Variants in SRBD1 observed in about 807,000 individuals in gnomAD.
SRBD1 encodes S1 RNA-binding domain-containing protein 1.
A neutral mutation model predicts 115.3 loss-of-function variants in SRBD1; 88 were observed. The ratio of observed to expected loss-of-function variants is 0.76; its 90% CI spans 0.64 to 0.91. The LOEUF (loss-of-function observed/expected upper bound fraction) is 0.91. Among genes scored for constraint, SRBD1 ranks in the 40% least tolerant of loss-of-function variants. The pLI is 0.00. For synonymous variants in SRBD1, 509 were observed against 407.7 expected, an observed-to-expected ratio of 1.25 and a Z score of -2.99; for missense variants, 1,385 against 1,177.4, an observed-to-expected ratio of 1.18 and a Z score of -2.58.
chr2:45,567,749 G>A (rs1385688236), intron 9 of SRBD1, among the ~76,000 whole-genome samples: 1 of 152,204 alleles, frequency 6.6e-6, no homozygotes, highest in African/African-American at 2.4e-5. Flanking sequence ...GCTATAGGCT[G>A]TGCCAGCTTA....
At chr2:45,607,178 T>C (rs1333873860) in intron 1 of SRBD1, among the ~76,000 whole-genome samples, 1 of 152,206 alleles carries the variant, frequency 6.6e-6, no homozygotes, top group African/African-American at 2.4e-5. Context: ...TAGACATTGA[T>C]CATGAAAGAA....
chr2:45,424,708 C>T (rs34124595), intron 16 of SRBD1, among the ~76,000 whole-genome samples: 15,785 of 152,098 alleles, frequency 0.1, 839 homozygotes, highest in Middle Eastern at 0.14. Flanking sequence ...TAAGTGCCCT[C>T]GTCATGACGA....
chr2:45,545,034 A>C (rs113318858), intron 14 of SRBD1, among the ~76,000 whole-genome samples: 16,178 of 152,002 alleles, frequency 0.11, 1,720 homozygotes, highest in African/African-American at 0.27. Context: ...TAATCGCAGC[A>C]CTTTGGGAGG....
chr2:45,407,937 C>G (rs1030980399), intron 19 of SRBD1, among the ~76,000 whole-genome samples: 2 of 151,890 alleles, frequency 1.3e-5, no homozygotes, highest in Non-Finnish European at 2.9e-5. Context: ...CTAAATAACT[C>G]AGGCTATAAA....
intron 4 of SRBD1, 23 bp downstream of exon 4, chr2:45,599,426 T>A: frequency 6.3e-7 from 1 of 1,595,584 alleles, no homozygotes; most frequent in Non-Finnish European, 8.5e-7. Flanking sequence ...ACAACTAAAG[T>A]GACAGAAAAA....
chr2:45,568,334 A>G (rs891319508), intron 9 of SRBD1, among the ~76,000 whole-genome samples: 2 of 152,192 alleles, frequency 1.3e-5, no homozygotes, highest in Non-Finnish European at 2.9e-5. Flanking sequence ...ACTGTCTTTC[A>G]TCATTTGCAT....
chr2:45,540,181 A>G (rs1251631949), intron 14 of SRBD1, among the ~76,000 whole-genome samples: 1 of 152,038 alleles, frequency 6.6e-6, no homozygotes, highest in Non-Finnish European at 1.5e-5. Context: ...TCTCTACTAA[A>G]AATACAAAAA....
Position 45,507,468 on chromosome 2 carries a change from T to C in SRBD1, c.1875-19137A>G, listed in dbSNP as rs192309786. On this transcript the variant is annotated intron_variant, in intron 14 of 20. Transcript: ENST00000263736. ...CGCGGCGGCTCACGTCTGTAATCCT[T>C]GTACTTTGGGAGGCTGAGGCGGGTG... Among the ~76,000 whole-genome samples the C allele has an allele frequency of 5.3e-4, 80 of 152,168 alleles. 2 individuals carry two copies. The East Asian group carries it at 0.014, about 26-fold the overall frequency.
chr2:45,486,907 T>C (rs1159318571), intron 15 of SRBD1, among the ~76,000 whole-genome samples: 1 of 152,132 alleles, frequency 6.6e-6, no homozygotes, highest in Non-Finnish European at 1.5e-5. Context: ...GCTCCCAGTA[T>C]GACTACTATT....
In SRBD1 at chr2:45,393,369, G is replaced by A. The variant is rs184074746; in HGVS notation, c.2514-240C>T. 1.5e-3 allele frequency among the ~76,000 whole-genome samples: 228 copies of A among 152,274 alleles called. 1 individual carries two copies. The highest frequency in any genetic ancestry group is 5.2e-3 in the African/African-American group (214 of 41,552). On this transcript the variant is annotated intron_variant, in intron 19 of 20. Coordinates refer to ENST00000263736, the MANE Select transcript of SRBD1 (RefSeq NM_018079.5). ...TTATCAAATGAAGCACCTGCTCAGA[G>A]TCAGCACCAAAAACATTTTTTTGTT...
chr2:45,540,702 T>A (rs985158347), intron 14 of SRBD1, among the ~76,000 whole-genome samples: 1 of 152,194 alleles, frequency 6.6e-6, no homozygotes, highest in African/African-American at 2.4e-5. Context: ...TTTTTTTAAA[T>A]GCAAAGATTT....
In SRBD1 at chr2:45,562,858, T is replaced by G. The variant is rs987306841; in HGVS notation, c.1306-102A>C. On this transcript the variant is annotated intron_variant, in intron 9 of 20. Coordinates refer to ENST00000263736, the MANE Select transcript of SRBD1 (RefSeq NM_018079.5). ...CTATATGAATTTTTTACTCGTTTATTAAACAAGAATACATTTTAAAATAAT... is the reference window on the plus strand; with the variant it reads ...CTATATGAATTTTTTACTCGTTTATGAAACAAGAATACATTTTAAAATAAT... 12 of 659,296 alleles carry G rather than the reference T, an allele frequency of 1.8e-5. No homozygotes were observed. The Admixed American group carries it at 2.0e-4, about 11-fold the overall frequency. The allele number at this position is 659,296 out of a possible 1,614,324, so 40.8% of individuals were successfully genotyped here. A position where few individuals can be genotyped will look rare whatever the true frequency, so the allele number is the denominator to read the frequency against.
rs1670175470 is a variant in SRBD1, at chr2:45,488,122, T to A, written c.1966+118A>T. On this transcript the variant is annotated intron_variant, in intron 15 of 20. Coordinates refer to ENST00000263736, the MANE Select transcript of SRBD1 (RefSeq NM_018079.5). ...ACCACTTTCTTTCTAATATGCCAAT[T>A]CTTATGCATGTAGTATAACTTTTAA... The A allele has an allele frequency of 7.7e-6, 6 of 775,464 alleles. No individual in the cohort carries two copies. In the South Asian group the frequency reaches 9.6e-5, roughly 12 times the overall value. 48.0% of individuals were successfully genotyped at this position (775,464 alleles called of 1,614,324 possible). A position where few individuals can be genotyped will look rare whatever the true frequency, so the allele number is the denominator to read the frequency against.
chr2:45,452,182 T>C (rs1460823750), intron 16 of SRBD1, among the ~76,000 whole-genome samples: 1 of 152,050 alleles, frequency 6.6e-6, no homozygotes, highest in African/African-American at 2.4e-5. Flanking sequence ...TTAAAATTTT[T>C]ATTTTACAGT....
intron 14 of SRBD1, among the ~76,000 whole-genome samples, chr2:45,496,039 T>C (rs1316321746): frequency 6.6e-6 from 1 of 152,212 alleles, no homozygotes. Context: ...AGATTATCTG[T>C]ATTTGTTTAT....
chr2:45,495,657 T>C (rs1052066294), intron 14 of SRBD1, among the ~76,000 whole-genome samples: 2 of 152,066 alleles, frequency 1.3e-5, no homozygotes, highest in Non-Finnish European at 1.5e-5. Flanking sequence ...CAAGACCTGA[T>C]GCGTAAGTGG....
chr2:45,509,453 G>A (rs535816553), intron 14 of SRBD1, among the ~76,000 whole-genome samples: 55 of 152,062 alleles, frequency 3.6e-4, no homozygotes, highest in African/African-American at 8.2e-4. Context: ...AAAATTAGCC[G>A]GGCGCGGTGG....
At chr2:45,508,837 A>T (rs1287302077) in intron 14 of SRBD1, among the ~76,000 whole-genome samples, 1 of 152,216 alleles carries the variant, frequency 6.6e-6, no homozygotes, top group Non-Finnish European at 1.5e-5. Flanking sequence ...TGTAAAAATG[A>T]TTAAAGTCAT....
intron 14 of SRBD1, among the ~76,000 whole-genome samples, chr2:45,536,954 C>A (rs564680505): frequency 6.6e-5 from 10 of 152,324 alleles, no homozygotes; most frequent in Admixed American, 5.9e-4. Context: ...ACCCAGTACA[C>A]ATATATACAT....
Sources: gnomAD v4.1 joint callset for allele counts (sites outside exome capture counted in the v4.1 genomes callset) on GRCh38, gnomAD v4.1.1 for gene constraint, MANE v1.5 for transcripts, NCBI Gene and HGNC (gene_info 2026-07-23, HGNC 2026-07-21) for gene names.